Variants in UBR3 observed in about 807,000 individuals in gnomAD.
The protein encoded by UBR3 is E3 ubiquitin-protein ligase UBR3.
In UBR3, 85 loss-of-function variants were observed where a neutral mutation model predicts 243.2. That is an observed-to-expected ratio of 0.35 (90% CI 0.29 to 0.42). The LOEUF (loss-of-function observed/expected upper bound fraction) is 0.42, where lower values mean the gene tolerates loss of function less well. Ranked by LOEUF, UBR3 falls within the 10% of genes least tolerant of loss-of-function variation. The probability of loss-of-function intolerance (pLI) is 1.00; values close to 1 mark genes in which losing one functional copy is unlikely to be tolerated. For missense variants in UBR3, 1,686 were observed against 2,300.8 expected, an observed-to-expected ratio of 0.73 and a Z score of 5.47; for synonymous variants, 748 against 799.8, an observed-to-expected ratio of 0.94 and a Z score of 1.09.
chr2:169,928,444 G>A (rs561095249), intron 17 of UBR3, among the ~76,000 whole-genome samples: 96 of 151,852 alleles, frequency 6.3e-4, no homozygotes, highest in East Asian at 2.1e-3. Flanking sequence ...TTTTTCTATC[G>A]TTTTCTGAAA....
intron 24 of UBR3, among the ~76,000 whole-genome samples, chr2:169,960,174 C>T (rs1181644572): frequency 6.7e-6 from 1 of 148,954 alleles, no homozygotes. Flanking sequence ...ATTGCTTGAA[C>T]CAGGAGACAG....
At chr2:169,856,040 C>T (rs1156715380) in intron 1 of UBR3, among the ~76,000 whole-genome samples, 15 of 150,708 alleles carry the variant, frequency 1.0e-4, no homozygotes, top group Admixed American at 2.6e-4. Context: ...CCAGACGGGG[C>T]GGCTGCTGGG....
chr2:170,017,792 A>G (rs1393289369), intron 30 of UBR3, among the ~76,000 whole-genome samples: 2 of 152,204 alleles, frequency 1.3e-5, no homozygotes, highest in African/African-American at 4.8e-5. Flanking sequence ...TCCATAGTAA[A>G]AAGTTACTCA....
chr2:170,007,933 G>C (rs1215097721), intron 28 of UBR3, among the ~76,000 whole-genome samples: 2 of 152,112 alleles, frequency 1.3e-5, no homozygotes, highest in East Asian at 1.9e-4. Flanking sequence ...GTGTGTGTAT[G>C]TATCTCAATA....
At position 169,932,903 on chromosome 2, in the gene UBR3, G is replaced by T; in HGVS notation, c.2567-9G>T. On this transcript the variant is annotated splice_polypyrimidine_tract_variant and intron_variant, in intron 18 of 38. Transcript: ENST00000272793. ...GAAGTCAATGTTTCTACTTTCTTTTGAATAATAGCTGAAGTCTGGGATCAA... is the reference window on the plus strand; with the variant it reads ...GAAGTCAATGTTTCTACTTTCTTTTTAATAATAGCTGAAGTCTGGGATCAA... The T allele has an allele frequency of 6.5e-7, 1 of 1,541,882 alleles. No homozygotes were observed. Among genetic ancestry groups the T allele is most frequent in the South Asian group, 1.2e-5 (1 of 81,882 alleles).
At chr2:170,030,790 T>C (rs1395265867) in intron 31 of UBR3, among the ~76,000 whole-genome samples, 2 of 152,086 alleles carry the variant, frequency 1.3e-5, no homozygotes, top group East Asian at 3.9e-4. Flanking sequence ...ACTGCTTTTT[T>C]CCCCCTTGAC....
intron 27 of UBR3, among the ~76,000 whole-genome samples, chr2:170,005,346 T>G (rs2089875002): frequency 6.6e-6 from 1 of 152,126 alleles, no homozygotes; most frequent in African/African-American, 2.4e-5. Flanking sequence ...GGAAACAGTT[T>G]GTAGCAAGAA....
intron 1 of UBR3, among the ~76,000 whole-genome samples, chr2:169,854,245 CAG>C (rs1329791557): frequency 6.6e-6 from 1 of 152,098 alleles, no homozygotes; most frequent in Non-Finnish European, 1.5e-5. Context: ...AAATTCTTGT[CAG>C]AAATATACAT....
intron 8 of UBR3, among the ~76,000 whole-genome samples, chr2:169,897,056 G>C (rs1422583431): frequency 6.6e-6 from 1 of 151,982 alleles, no homozygotes; most frequent in Non-Finnish European, 1.5e-5. Context: ...TTTGTGTAAT[G>C]ACTATATTTA....
chr2:169,920,070 A>C (rs1277062934), intron 11 of UBR3, among the ~76,000 whole-genome samples: 1 of 152,220 alleles, frequency 6.6e-6, no homozygotes, highest in East Asian at 1.9e-4. Flanking sequence ...CAAATGTCCA[A>C]CAATGATAGA....
chr2:169,842,634 A>G (rs2082336698), intron 1 of UBR3, among the ~76,000 whole-genome samples: 1 of 151,876 alleles, frequency 6.6e-6, no homozygotes, highest in African/African-American at 2.4e-5. Context: ...ACAACTCCAG[A>G]CGCGCTGCCT....
intron 38 of UBR3, 66 bp from the exon 39 acceptor site, chr2:170,081,660 A>G: frequency 8.1e-7 from 1 of 1,240,294 alleles, no homozygotes; most frequent in Non-Finnish European, 1.1e-6. Flanking sequence ...GAAAAAAAAG[A>G]AGAAAGAAAT....
At chr2:169,940,349 A>G (rs2086532791) in intron 19 of UBR3, among the ~76,000 whole-genome samples, 1 of 152,058 alleles carries the variant, frequency 6.6e-6, no homozygotes, top group Non-Finnish European at 1.5e-5. Flanking sequence ...TTCTGTTATG[A>G]TTTTTAATGG....
chr2:169,833,362 T>A (rs2081995810), intron 1 of UBR3, among the ~76,000 whole-genome samples: 1 of 152,360 alleles, frequency 6.6e-6, no homozygotes, highest in Middle Eastern at 3.4e-3. Flanking sequence ...CAGATATTTT[T>A]GTCTCCTTGC....
Position 169,851,188 on chromosome 2 carries a change from G to A in UBR3, c.546-21048G>A, listed in dbSNP as rs893997695. 4.6e-5 allele frequency among the ~76,000 whole-genome samples: 7 copies of A among 152,098 alleles called. No homozygotes were observed. In the East Asian group the frequency reaches 5.8e-4, roughly 13 times the overall value. On this transcript the variant is annotated intron_variant, in intron 1 of 38. Coordinates refer to ENST00000272793, the MANE Select transcript of UBR3 (RefSeq NM_172070.4). ...TGCACAGGCTACAGTGCAGTGGCAC[G>A]ATCTTGGCTCACTGCAGCCTTGACC... is the stretch of plus-strand genomic sequence containing the variant.
chr2:169,978,351 T>A (rs944908497), intron 24 of UBR3, among the ~76,000 whole-genome samples: 7 of 151,874 alleles, frequency 4.6e-5, no homozygotes, highest in African/African-American at 1.5e-4. Flanking sequence ...GGCGTGACAT[T>A]TTGCTCTCTG....
chr2:169,909,966 G>GAC (rs2085188310), intron 10 of UBR3, among the ~76,000 whole-genome samples: 1 of 152,120 alleles, frequency 6.6e-6, no homozygotes, highest in African/African-American at 2.4e-5. Flanking sequence ...TGATGAGAGA[G>GAC]AGAGACTTTT....
chr2:170,030,283 T>G lies in UBR3; in HGVS notation c.4556+835T>G, dbSNP rs1057265457. 2.0e-5 allele frequency among the ~76,000 whole-genome samples: 3 copies of G among 152,218 alleles called. No individual in the cohort carries two copies. The East Asian group carries it at 5.8e-4, about 29-fold the overall frequency. ...TTTTGTACATTTTCTATTTTATACT[T>G]GGAATCAGCCATTTCTCCATTTAGT... is the stretch of plus-strand genomic sequence containing the variant. On this transcript the variant is annotated intron_variant, in intron 31 of 38. Transcript: ENST00000272793.
chr2:170,004,731 C>G (rs552049655), intron 27 of UBR3, among the ~76,000 whole-genome samples: 15 of 151,348 alleles, frequency 9.9e-5, no homozygotes, highest in African/African-American at 3.4e-4. Context: ...GCCAACATGG[C>G]GAAACCCCAT....
Sources: gnomAD v4.1 joint callset for allele counts (sites outside exome capture counted in the v4.1 genomes callset) on GRCh38, gnomAD v4.1.1 for gene constraint, MANE v1.5 for transcripts, NCBI Gene and HGNC (gene_info 2026-07-23, HGNC 2026-07-21) for gene names.